The following GAREM1 variants were observed in gnomAD, a reference collection of about 807,000 sequenced individuals.
The protein encoded by GAREM1 is GRB2 associated regulator of MAPK1 subtype 1, also known as GRB2-associated and regulator of MAPK protein 1.
Under a neutral mutation model 71.3 loss-of-function variants are expected in GAREM1, and 26 were observed. The observed-to-expected ratio is 0.36, with a 90% confidence interval of 0.27 to 0.51. GAREM1 has a LOEUF of 0.51. Ranked by LOEUF, GAREM1 falls within the 20% of genes least tolerant of loss-of-function variation. GAREM1 has a pLI of 0.95. For synonymous variants in GAREM1, 440 were observed against 433.2 expected, an observed-to-expected ratio of 1.02 and a Z score of -0.20; for missense variants, 1,026 against 1,103.1, an observed-to-expected ratio of 0.93 and a Z score of 0.99.
At chr18:32,317,602 G>T (rs1039201953) in intron 2 of GAREM1, among the ~76,000 whole-genome samples, 2 of 150,524 alleles carry the variant, frequency 1.3e-5, no homozygotes, top group African/African-American at 4.9e-5. Context: ...TATATTAAAA[G>T]AATAATGTAA....
At chr18:32,435,430 A>G (rs1210839435) in intron 1 of GAREM1, among the ~76,000 whole-genome samples, 1 of 152,198 alleles carries the variant, frequency 6.6e-6, no homozygotes, top group East Asian at 1.9e-4. Flanking sequence ...CTTTAAGGCT[A>G]AAATTATTTC....
intron 2 of GAREM1, among the ~76,000 whole-genome samples, chr18:32,355,648 C>CG (rs1422766419): frequency 2.0e-5 from 3 of 152,164 alleles, no homozygotes; most frequent in Admixed American, 2.0e-4. Flanking sequence ...TTTATAAATA[C>CG]GGGGGAACTT....
intron 1 of GAREM1, among the ~76,000 whole-genome samples, chr18:32,446,909 G>GTC (rs1236608630): frequency 1.4e-4 from 21 of 152,316 alleles, no homozygotes; most frequent in African/African-American, 5.1e-4. Flanking sequence ...CGTGGTGAGT[G>GTC]TCATCAGGCA....
At chr18:32,387,002 G>A (rs747612948) in intron 2 of GAREM1, among the ~76,000 whole-genome samples, 72 of 139,494 alleles carry the variant, frequency 5.2e-4, no homozygotes, top group African/African-American at 1.3e-3. Flanking sequence ...CTAGGCTTTC[G>A]TGGGGCTTGG....
chr18:32,399,285 C>G (rs1432299516), intron 1 of GAREM1, among the ~76,000 whole-genome samples: 1 of 152,168 alleles, frequency 6.6e-6, no homozygotes, highest in Non-Finnish European at 1.5e-5. Context: ...CCTCTCTCAC[C>G]ACTCCTATTC....
intron 2 of GAREM1, among the ~76,000 whole-genome samples, chr18:32,388,606 C>T (rs2048169063): frequency 6.6e-6 from 1 of 152,212 alleles, no homozygotes; most frequent in Non-Finnish European, 1.5e-5. Flanking sequence ...TATCACAACA[C>T]AGAGCAGACC....
Position 32,310,341 on chromosome 18 carries a change from C to T in GAREM1, c.263-18G>A. ...GAATTGCCCTAAAACACAGGATAAACAGAAGAGATCTAAGATGTTTATGCT... is the reference window on the plus strand; with the variant it reads ...GAATTGCCCTAAAACACAGGATAAATAGAAGAGATCTAAGATGTTTATGCT... On this transcript the variant is annotated intron_variant, in intron 2 of 5. Coordinates refer to ENST00000269209, the MANE Select transcript of GAREM1 (RefSeq NM_001242409.2). 6.2e-7 allele frequency: 1 copy of T among 1,613,604 alleles called. No individual in the cohort carries two copies. The highest frequency in any genetic ancestry group is 8.5e-7 in the Non-Finnish European group (1 of 1,179,702).
At chr18:32,382,937 A>G (rs1236681849) in intron 2 of GAREM1, among the ~76,000 whole-genome samples, 1 of 152,256 alleles carries the variant, frequency 6.6e-6, no homozygotes, top group South Asian at 2.1e-4. Context: ...AAGGTCTATA[A>G]GAAAAAATGT....
intron 4 of GAREM1, among the ~76,000 whole-genome samples, chr18:32,274,883 T>G (rs1465687184): frequency 7.3e-5 from 11 of 151,416 alleles, no homozygotes; most frequent in Admixed American, 7.3e-4. Flanking sequence ...TAGCAGAGTT[T>G]GGGGATTTGT....
chr18:32,296,917 C>CG (rs2047146646), intron 3 of GAREM1, among the ~76,000 whole-genome samples: 2 of 152,030 alleles, frequency 1.3e-5, no homozygotes, highest in Admixed American at 1.3e-4. Flanking sequence ...TTTGGTTTAT[C>CG]CCTAAGGCTT....
At chr18:32,300,902 G>A (rs1389913550) in intron 3 of GAREM1, among the ~76,000 whole-genome samples, 4 of 96,782 alleles carry the variant, frequency 4.1e-5, no homozygotes, top group South Asian at 3.3e-4. Context: ...GTGAAACTCC[G>A]TCTCAAAAAA....
Position 32,413,179 on chromosome 18 carries a change from C to T in GAREM1, c.122-20144G>A, listed in dbSNP as rs527299438. Reference sequence around the variant, plus strand: ...TTAGGAGACTCTGACTTAGACATGACGGCAGGGTGAAGAGAGACTTTAACG... The same window carrying T: ...TTAGGAGACTCTGACTTAGACATGATGGCAGGGTGAAGAGAGACTTTAACG... On this transcript the variant is annotated intron_variant, in intron 1 of 5. Transcript: ENST00000269209. The T allele has an allele frequency of 3.3e-4, 533 of 1,600,856 alleles. No homozygotes were observed. The African/African-American group carries it at 5.7e-3, about 17-fold the overall frequency.
At chr18:32,343,150 C>T (rs2047662668) in intron 2 of GAREM1, among the ~76,000 whole-genome samples, 1 of 152,098 alleles carries the variant, frequency 6.6e-6, no homozygotes, top group Non-Finnish European at 1.5e-5. Flanking sequence ...TGCTACACAG[C>T]CATAAACGTA....
At chr18:32,351,145 C>T (rs547644735) in intron 2 of GAREM1, among the ~76,000 whole-genome samples, 1 of 152,158 alleles carries the variant, frequency 6.6e-6, no homozygotes, top group African/African-American at 2.4e-5. Context: ...GCCAATGATG[C>T]TATTTTGATG....
chr18:32,310,723 G>C (rs933800053), intron 2 of GAREM1, among the ~76,000 whole-genome samples: 1 of 152,084 alleles, frequency 6.6e-6, no homozygotes, highest in African/African-American at 2.4e-5. Context: ...TTCTAGAACC[G>C]AGTCTTAGAA....
Position 32,381,727 on chromosome 18 carries a change from T to C in GAREM1, c.262+11168A>G, listed in dbSNP as rs116718772. On this transcript the variant is annotated intron_variant, in intron 2 of 5. Coordinates refer to ENST00000269209, the MANE Select transcript of GAREM1 (RefSeq NM_001242409.2). The stretch of plus-strand genomic sequence containing the variant: ...CTTAATCTTTCTAAAAAGCAGATTC[T>C]GGGAGGAACTCCCCAGGGCACAGAG... Among the ~76,000 whole-genome samples the C allele has an allele frequency of 6.4e-3, 979 of 152,348 alleles. 18 individuals are homozygous for C. Among genetic ancestry groups the C allele is most frequent in the African/African-American group, 0.022 (931 of 41,580 alleles).
chr18:32,392,334 T>G lies in GAREM1; in HGVS notation c.262+561A>C, dbSNP rs141234422. On this transcript the variant is annotated intron_variant, in intron 2 of 5. Transcript: ENST00000269209. ...AATAAAAATCAGTTATATGGCACTA[T>G]TGCATTGAGTCGGGTTCAAAGTGAG... 7.5e-4 allele frequency among the ~76,000 whole-genome samples: 114 copies of G among 152,268 alleles called. 1 individual carries two copies. The East Asian group carries it at 0.018, about 24-fold the overall frequency.
chr18:32,444,497 T>C (rs969909529), intron 1 of GAREM1, among the ~76,000 whole-genome samples: 4 of 152,162 alleles, frequency 2.6e-5, no homozygotes, highest in Non-Finnish European at 4.4e-5. Flanking sequence ...TCTATGATCA[T>C]GCCAGATATC....
At chr18:32,433,071 C>T (rs754174810) in intron 1 of GAREM1, among the ~76,000 whole-genome samples, 12 of 151,690 alleles carry the variant, frequency 7.9e-5, no homozygotes, top group Admixed American at 7.2e-4. Flanking sequence ...TATATCAATG[C>T]CAACTGGAAT....
Sources: allele counts gnomAD v4.1 joint callset (sites outside exome capture counted in the v4.1 genomes callset), GRCh38; gene constraint gnomAD v4.1.1; transcripts MANE v1.5; gene names NCBI Gene and HGNC (gene_info 2026-07-23, HGNC 2026-07-21).